AR: variants seen among roughly 807,000 people sequenced by gnomAD.
AR encodes the protein androgen receptor, also known as dihydrotestosterone receptor.
AR carries 8 observed loss-of-function variants against 53.9 expected under a neutral mutation model. That is an observed-to-expected ratio of 0.15 (90% CI 0.09 to 0.27). AR has a LOEUF of 0.27. Among genes scored for constraint, AR ranks in the 10% least tolerant of loss-of-function variants. AR has a pLI of 1.00. For synonymous variants in AR, 359 were observed against 316.4 expected, an observed-to-expected ratio of 1.13 and a Z score of -1.43; for missense variants, 639 against 742.5, an observed-to-expected ratio of 0.86 and a Z score of 1.62.
intron 1 of AR, among the ~76,000 whole-genome samples, chrX:67,568,158 A>G (rs1230783941): frequency 1.8e-5 from 2 of 111,484 alleles, no homozygotes; most frequent in East Asian, 2.9e-4. Context: ...CTGGGCGTCT[A>G]TTTTCCTTCT....
intron 2 of AR, 129 bp from the exon 3 acceptor site, chrX:67,685,881 C>T (rs1429008587): frequency 9.2e-6 from 9 of 976,546 alleles, no homozygotes; most frequent in African/African-American, 1.9e-5. Context: ...TTGTTTGGTG[C>T]CATACTCTGT....
chrX:67,633,675 A>G (rs1005209226), intron 1 of AR, among the ~76,000 whole-genome samples: 1 of 111,960 alleles, frequency 8.9e-6, no homozygotes, highest in Non-Finnish European at 1.9e-5. Context: ...ATGTCCACCA[A>G]CTGATAAATG....
chrX:67,564,686 G>T (rs1258073017), intron 1 of AR, among the ~76,000 whole-genome samples: 1 of 111,913 alleles, frequency 8.9e-6, no homozygotes, highest in African/African-American at 3.3e-5. Context: ...GCATGGAAGT[G>T]TCAGGTTGAT....
chrX:67,617,857 A>G (rs186138778), intron 1 of AR, among the ~76,000 whole-genome samples: 1 of 111,743 alleles, frequency 8.9e-6, no homozygotes, highest in African/African-American at 3.2e-5. Context: ...GCAGGCACTG[A>G]TGAGGGACAA....
intron 1 of AR, among the ~76,000 whole-genome samples, chrX:67,590,013 T>G: frequency 8.9e-6 from 1 of 111,858 alleles, no homozygotes; most frequent in Non-Finnish European, 1.9e-5. Context: ...TACAGTTGAT[T>G]TTTGAGCTTC....
At chrX:67,603,795 G>A (rs1368317349) in intron 1 of AR, among the ~76,000 whole-genome samples, 1 of 108,267 alleles carries the variant, frequency 9.2e-6, no homozygotes, top group Non-Finnish European at 1.9e-5. Flanking sequence ...AAGTTTGGAA[G>A]GTGGTGAGGC....
chrX:67,636,866 G>T (rs1408150417), intron 1 of AR, among the ~76,000 whole-genome samples: 6 of 111,435 alleles, frequency 5.4e-5, no homozygotes, highest in African/African-American at 2.0e-4. Context: ...GTCAAAATGG[G>T]TTGCAATTAG....
At chrX:67,665,628 C>T (rs1325927250) in intron 2 of AR, among the ~76,000 whole-genome samples, 1 of 111,195 alleles carries the variant, frequency 9.0e-6, no homozygotes, top group African/African-American at 3.3e-5. Flanking sequence ...GAGAAATGCC[C>T]ATCATGTACA....
Position 67,610,562 on chromosome X carries a change from G to GATAT in AR, c.1617-32691_1617-32688dup, listed in dbSNP as rs767863655. ...GATTTTCTATGTATATATATTGTTA[G>GATAT]ATATATGCATGGTATGTTTTCAAAA... is the stretch of plus-strand genomic sequence containing the variant. On this transcript the variant is annotated intron_variant, in intron 1 of 7. Coordinates refer to ENST00000374690, the MANE Select transcript of AR (RefSeq NM_000044.6). 3.6e-5 allele frequency among the ~76,000 whole-genome samples: 4 copies of GATAT among 110,789 alleles called. No individual in the cohort carries two copies. In the South Asian group the frequency reaches 1.5e-3, roughly 42 times the overall value.
intron 1 of AR, among the ~76,000 whole-genome samples, chrX:67,599,580 C>G (rs973399631): frequency 4.5e-5 from 5 of 111,760 alleles, no homozygotes; most frequent in Non-Finnish European, 9.4e-5. Context: ...TGTGCCTAGC[C>G]CAGTGCCTGG....
intron 1 of AR, among the ~76,000 whole-genome samples, chrX:67,629,646 G>A (rs1924947628): frequency 9.1e-6 from 1 of 109,578 alleles, no homozygotes; most frequent in African/African-American, 3.3e-5. Flanking sequence ...CTTTAGTTCT[G>A]CTCTGATTTT....
rs78655024 is a variant in AR at position 67,620,085 on chromosome X, C to T, written c.1617-23171C>T. 5.0e-4 allele frequency among the ~76,000 whole-genome samples: 55 copies of T among 110,445 alleles called. No individual in the cohort carries two copies. In the East Asian group the frequency reaches 0.016, roughly 31 times the overall value. On this transcript the variant is annotated intron_variant, in intron 1 of 7. Transcript: ENST00000374690. ...AACCTTGGCTTCTTGGTTGTGGATT[C>T]TCGTCAACATTTCACTGCTACCCAA...
intron 1 of AR, among the ~76,000 whole-genome samples, chrX:67,576,751 G>A (rs1922064285): frequency 9.0e-6 from 1 of 110,766 alleles, no homozygotes; most frequent in Admixed American, 9.6e-5. Flanking sequence ...TCAGGTAGAT[G>A]TACCAGAGCA....
intron 4 of AR, among the ~76,000 whole-genome samples, chrX:67,713,309 G>T (rs1385307776): frequency 9.0e-6 from 1 of 110,781 alleles, no homozygotes; most frequent in Non-Finnish European, 1.9e-5. Flanking sequence ...AAGAACACTG[G>T]GAAGGAAACC....
At chrX:67,581,023 T>C (rs1443258943) in intron 1 of AR, among the ~76,000 whole-genome samples, 1 of 112,198 alleles carries the variant, frequency 8.9e-6, no homozygotes, top group Non-Finnish European at 1.9e-5. Flanking sequence ...GAATCATTAA[T>C]GAATCTTTAA....
chrX:67,548,197 A>G (rs1294165932), intron 1 of AR, among the ~76,000 whole-genome samples: 1 of 112,081 alleles, frequency 8.9e-6, no homozygotes, highest in African/African-American at 3.2e-5. Context: ...CTTACAAGGT[A>G]GATAGCACAG....
At chrX:67,570,297 C>T (rs1369370228) in intron 1 of AR, among the ~76,000 whole-genome samples, 4 of 112,424 alleles carry the variant, frequency 3.6e-5, no homozygotes, top group African/African-American at 9.7e-5. Flanking sequence ...ATGCACCCAC[C>T]GGGTTCATAA....
At chrX:67,655,536 A>G (rs1316117695) in intron 2 of AR, among the ~76,000 whole-genome samples, 1 of 111,503 alleles carries the variant, frequency 9.0e-6, no homozygotes, top group Non-Finnish European at 1.9e-5. Context: ...AAAAAGGGAT[A>G]TGGAGGTATA....
chrX:67,704,632 T>C (rs1200270929), intron 3 of AR, among the ~76,000 whole-genome samples: 9 of 111,736 alleles, frequency 8.1e-5, no homozygotes, highest in Admixed American at 2.8e-4. Flanking sequence ...TTTTGCTGTG[T>C]AGAAGCTCTT....
Sources: allele counts gnomAD v4.1 joint callset (sites outside exome capture counted in the v4.1 genomes callset), GRCh38; gene constraint gnomAD v4.1.1; transcripts MANE v1.5; gene names NCBI Gene and HGNC (gene_info 2026-07-23, HGNC 2026-07-21).